The following PDGFRL variants were observed in gnomAD, a reference collection of about 807,000 sequenced individuals.
The protein encoded by PDGFRL is platelet derived growth factor receptor like, also known as platelet-derived growth factor receptor-like protein.
Under a neutral mutation model 37.2 loss-of-function variants are expected in PDGFRL, and 46 were observed. The observed-to-expected ratio is 1.24, with a 90% confidence interval of 0.98 to 1.58. The LOEUF (loss-of-function observed/expected upper bound fraction) is 1.58. Among genes scored for constraint, PDGFRL ranks in the 40% most tolerant of loss-of-function variants. PDGFRL has a pLI of 0.00. For synonymous variants in PDGFRL, 251 were observed against 184.3 expected (o/e 1.36, Z -2.93); for missense variants, 692 against 467.6 (o/e 1.48, Z -4.43).
chr8:17,639,486 C>G (rs1036481771), intron 5 of PDGFRL, among the ~76,000 whole-genome samples: 2 of 152,112 alleles, frequency 1.3e-5, no homozygotes, highest in African/African-American at 2.4e-5. Flanking sequence ...GGCGAATTTT[C>G]TCAGCATTTG....
At chr8:17,583,570 G>A (rs1803753182) in intron 1 of PDGFRL, among the ~76,000 whole-genome samples, 1 of 152,280 alleles carries the variant, frequency 6.6e-6, no homozygotes, top group African/African-American at 2.4e-5. Context: ...GGGGGCCAGA[G>A]GTGCAATGCT....
intron 2 of PDGFRL, among the ~76,000 whole-genome samples, chr8:17,610,751 A>T (rs1466065601): frequency 6.6e-6 from 1 of 152,176 alleles, no homozygotes; most frequent in Non-Finnish European, 1.5e-5. Context: ...TCACTACTAA[A>T]CACACAAAAA....
chr8:17,630,845 C>G (rs1329691953), intron 4 of PDGFRL, among the ~76,000 whole-genome samples: 1 of 152,166 alleles, frequency 6.6e-6, no homozygotes, highest in Non-Finnish European at 1.5e-5. Flanking sequence ...GTCCTAGGCC[C>G]TGTCCCATGC....
At chr8:17,585,452 T>A (rs1417394654) in intron 1 of PDGFRL, among the ~76,000 whole-genome samples, 1 of 152,166 alleles carries the variant, frequency 6.6e-6, no homozygotes, top group African/African-American at 2.4e-5. Flanking sequence ...TGCTACATCT[T>A]GCTACATTTT....
At chr8:17,586,675 A>C (rs941015526) in intron 1 of PDGFRL, among the ~76,000 whole-genome samples, 2 of 152,140 alleles carry the variant, frequency 1.3e-5, no homozygotes, top group African/African-American at 4.8e-5. Flanking sequence ...GCTAGCAATC[A>C]CTTACTGTAG....
Position 17,642,980 on chromosome 8 carries a change from A to G in PDGFRL, c.*179A>G, listed in dbSNP as rs1030988828. 6 of 536,692 alleles carry G rather than the reference A, an allele frequency of 1.1e-5. No homozygotes were observed. The highest frequency in any genetic ancestry group is 1.1e-4 in the Admixed American group (3 of 26,836). 33.2% of individuals were successfully genotyped at this position (536,692 alleles called of 1,614,324 possible). On this transcript the variant is annotated 3_prime_UTR_variant, in exon 6 of 6. Transcript: ENST00000251630. ...AAAGGAAGTCATCCAGTCTATTCAC[A>G]GAAGTGTTAACTTTTCTAACAGAAA...
Position 17,631,454 on chromosome 8 carries a change from G to A in PDGFRL, c.800-2620G>A, listed in dbSNP as rs574605700. Among the ~76,000 whole-genome samples the A allele has an allele frequency of 1.4e-4, 22 of 152,158 alleles. No homozygotes were observed. In the South Asian group the frequency reaches 3.7e-3, roughly 26 times the overall value. On this transcript the variant is annotated intron_variant, in intron 4 of 5. Transcript: ENST00000251630. ...TGTCATGCCTCGTGTTCTCAGCCAT[G>A]GTGCTTATTCAGCAGGCCATGCCCC...
Position 17,578,864 on chromosome 8 carries a change from T to C in PDGFRL, c.55+1557T>C, listed in dbSNP as rs557650836. Reference sequence around the variant, plus strand: ...CAGACTGAATGTAAGAAATAGTTCATAAATTTTAGGTGATAATAGCACGAA... The same window carrying C: ...CAGACTGAATGTAAGAAATAGTTCACAAATTTTAGGTGATAATAGCACGAA... On this transcript the variant is annotated intron_variant, in intron 1 of 5. Transcript: ENST00000251630. Among the ~76,000 whole-genome samples, 298 of 152,330 alleles carry C rather than the reference T, an allele frequency of 2.0e-3. 1 individual carries two copies. Among genetic ancestry groups the C allele is most frequent in the African/African-American group, 6.7e-3 (279 of 41,590 alleles).
intron 2 of PDGFRL, among the ~76,000 whole-genome samples, chr8:17,616,627 G>A (rs1288682242): frequency 6.6e-6 from 1 of 152,028 alleles, no homozygotes; most frequent in Non-Finnish European, 1.5e-5. Context: ...GCATGCCCTC[G>A]ATTTGCGCAT....
At chr8:17,607,565 A>G (rs1449366125) in intron 2 of PDGFRL, among the ~76,000 whole-genome samples, 1 of 152,240 alleles carries the variant, frequency 6.6e-6, no homozygotes, top group Non-Finnish European at 1.5e-5. Flanking sequence ...AAGACACTGT[A>G]GGAATATCAC....
intron 2 of PDGFRL, among the ~76,000 whole-genome samples, chr8:17,591,738 GA>G (rs1197026371): frequency 6.6e-6 from 1 of 152,108 alleles, no homozygotes; most frequent in East Asian, 1.9e-4. Flanking sequence ...CCAACATTGT[GA>G]AACCCCATCT....
At chr8:17,611,452 A>C (rs1804409833) in intron 2 of PDGFRL, among the ~76,000 whole-genome samples, 1 of 152,162 alleles carries the variant, frequency 6.6e-6, no homozygotes, top group South Asian at 2.1e-4. Flanking sequence ...CATGCTCTTA[A>C]CCGCCCTTTT....
intron 3 of PDGFRL, among the ~76,000 whole-genome samples, chr8:17,626,973 T>A (rs1392786983): frequency 6.6e-6 from 1 of 152,212 alleles, no homozygotes; most frequent in African/African-American, 2.4e-5. Flanking sequence ...AGAGCAGACC[T>A]GAGACTGATG....
At chr8:17,636,811 T>C (rs906606562) in intron 5 of PDGFRL, among the ~76,000 whole-genome samples, 49 of 152,186 alleles carry the variant, frequency 3.2e-4, no homozygotes, top group Non-Finnish European at 4.7e-4. Flanking sequence ...TTTGTAGTTT[T>C]CCTTGCAGAG....
chr8:17,639,372 T>C (rs558475236), intron 5 of PDGFRL, among the ~76,000 whole-genome samples: 2 of 152,308 alleles, frequency 1.3e-5, no homozygotes, highest in Non-Finnish European at 2.9e-5. Flanking sequence ...TTATAGGTCC[T>C]ATGAGATTTA....
chr8:17,635,143 C>A (rs1240038672), intron 5 of PDGFRL, among the ~76,000 whole-genome samples: 1 of 152,032 alleles, frequency 6.6e-6, no homozygotes, highest in Non-Finnish European at 1.5e-5. Context: ...TATATTTTGT[C>A]ATTTTTGATT....
At chr8:17,618,279 C>T (rs1257277759) in intron 2 of PDGFRL, among the ~76,000 whole-genome samples, 1 of 152,118 alleles carries the variant, frequency 6.6e-6, no homozygotes, top group East Asian at 1.9e-4. Context: ...TGGTCATGAA[C>T]TCCTGAGCTC....
intron 5 of PDGFRL, among the ~76,000 whole-genome samples, chr8:17,638,386 A>G (rs1805016397): frequency 6.6e-6 from 1 of 152,060 alleles, no homozygotes; most frequent in East Asian, 1.9e-4. Context: ...TTCCAATTTT[A>G]TTCCACCGTG....
intron 1 of PDGFRL, among the ~76,000 whole-genome samples, chr8:17,588,335 A>G (rs1320072636): frequency 6.6e-6 from 1 of 152,148 alleles, no homozygotes; most frequent in Non-Finnish European, 1.5e-5. Context: ...AGCCCCTGAC[A>G]AATGTAATGT....
Sources: gnomAD v4.1 joint callset for allele counts (sites outside exome capture counted in the v4.1 genomes callset) on GRCh38, gnomAD v4.1.1 for gene constraint, MANE v1.5 for transcripts, NCBI Gene and HGNC (gene_info 2026-07-23, HGNC 2026-07-21) for gene names.